PCDHGB1: variants seen among roughly 807,000 people sequenced by gnomAD.
PCDHGB1 encodes protocadherin gamma subfamily B, 1, also known as protocadherin gamma-B1.
Under a neutral mutation model 56.6 loss-of-function variants are expected in PCDHGB1, and 34 were observed. The ratio of observed to expected loss-of-function variants is 0.60; its 90% confidence interval spans 0.46 to 0.80. PCDHGB1 has a LOEUF of 0.80. Ranked by LOEUF, PCDHGB1 falls within the 30% of genes least tolerant of loss-of-function variation. The pLI, the probability that PCDHGB1 is intolerant of heterozygous loss-of-function variation, is 0.00. For missense variants in PCDHGB1, 1,278 were observed against 1,204.6 expected, an observed-to-expected ratio of 1.06 and a Z score of -0.90; for synonymous variants, 561 against 505.9, an observed-to-expected ratio of 1.11 and a Z score of -1.46.
intron 1 of PCDHGB1, chr5:141,409,297 T>G (rs762820320): frequency 1.9e-6 from 3 of 1,614,006 alleles, no homozygotes; most frequent in South Asian, 2.2e-5. Context: ...CAGGAATGGT[T>G]GTTGCCCTCT....
intron 1 of PCDHGB1, chr5:141,413,740 C>T (rs1274240064): frequency 5.6e-6 from 9 of 1,613,284 alleles, no homozygotes; most frequent in African/African-American, 1.3e-5. Flanking sequence ...AGTTCAGAGC[C>T]GTGCCAATGG....
rs375665864 is a variant in PCDHGB1, at chr5:141,469,524, A to G, written c.2410-25283A>G. Among the ~76,000 whole-genome samples the G allele has an allele frequency of 2.4e-4, 36 of 152,260 alleles. No homozygotes were observed. The East Asian group carries it at 3.1e-3, about 13-fold the overall frequency. On this transcript the variant is annotated intron_variant, in intron 1 of 3. Coordinates refer to ENST00000523390, the MANE Select transcript of PCDHGB1 (RefSeq NM_018922.3). ...CGGGAGGTGGAGGTTGCAGTGAGCCAAGATTGTGCCACTGCACTCCAGCCT... is the reference window on the plus strand; with the variant it reads ...CGGGAGGTGGAGGTTGCAGTGAGCCGAGATTGTGCCACTGCACTCCAGCCT...
chr5:141,455,795 C>T (rs1251703490), intron 1 of PCDHGB1, among the ~76,000 whole-genome samples: 1 of 151,960 alleles, frequency 6.6e-6, no homozygotes, highest in African/African-American at 2.4e-5. Flanking sequence ...TCCGGAGATG[C>T]TTTAAAAAAT....
intron 1 of PCDHGB1, chr5:141,389,725 TC>T (rs756659208): frequency 1.2e-6 from 2 of 1,612,726 alleles, no homozygotes; most frequent in East Asian, 4.5e-5. Flanking sequence ...GAGCCCGGGC[TC>T]TTCAGCCTGG....
At chr5:141,466,827 T>C (rs1414741980) in intron 1 of PCDHGB1, among the ~76,000 whole-genome samples, 1 of 152,194 alleles carries the variant, frequency 6.6e-6, no homozygotes, top group Admixed American at 6.5e-5. Context: ...AACAAGTTAG[T>C]ATGGGTTTAT....
chr5:141,387,177 T>C (rs989484840), intron 1 of PCDHGB1, among the ~76,000 whole-genome samples: 2 of 152,184 alleles, frequency 1.3e-5, no homozygotes, highest in Non-Finnish European at 2.9e-5. Context: ...AATTGCACCT[T>C]CTAAAAGGCA....
At chr5:141,460,924 A>ATATG (rs1561985817) in intron 1 of PCDHGB1, among the ~76,000 whole-genome samples, 10 of 150,588 alleles carry the variant, frequency 6.6e-5, no homozygotes, top group East Asian at 3.9e-4. Flanking sequence ...ATATATATAT[A>ATATG]TGTGTGTGTG....
chr5:141,419,258 C>G lies in PCDHGB1; in HGVS notation c.2409+66589C>G, dbSNP rs761740232. The G allele has an allele frequency of 2.5e-6, 4 of 1,614,028 alleles. No individual in the cohort carries two copies. The Admixed American group carries it at 6.7e-5, about 27-fold the overall frequency. ...GGTCCACGTGCCAGAAAACAACCAG[C>G]CGGGTGCCTCCATAGCGCAAGTCAG... On this transcript the variant is annotated intron_variant, in intron 1 of 3. Transcript: ENST00000523390.
At chr5:141,408,590 G>A (rs776799830) in intron 1 of PCDHGB1, 4 of 1,613,956 alleles carry the variant, frequency 2.5e-6, no homozygotes, top group East Asian at 2.2e-5. Context: ...TAATGACCAC[G>A]CCCCTCAATT....
chr5:141,375,903 G>A lies in PCDHGB1; in HGVS notation c.2409+23234G>A, dbSNP rs535123838. ...GGCCAGAACGCCTGGCTGTCCTACC[G>A]CCTGCTCAAGGCCAGCGAGCCAGGA... On this transcript the variant is annotated intron_variant, in intron 1 of 3. Transcript: ENST00000523390. 54 of 1,613,696 alleles carry A rather than the reference G, an allele frequency of 3.3e-5. No individual in the cohort carries two copies. In the South Asian group the frequency reaches 5.6e-4, roughly 17 times the overall value.
At chr5:141,459,263 C>T (rs2098964603) in intron 1 of PCDHGB1, among the ~76,000 whole-genome samples, 1 of 152,176 alleles carries the variant, frequency 6.6e-6, no homozygotes, top group South Asian at 2.1e-4. Flanking sequence ...ATTAGTGTTG[C>T]CTCTTTCAGA....
intron 1 of PCDHGB1, chr5:141,383,378 C>A (rs753458256): frequency 8.1e-6 from 13 of 1,613,884 alleles, no homozygotes; most frequent in Non-Finnish European, 1.1e-5. Flanking sequence ...GCTGGGGATC[C>A]AGATGTGGGC....
intron 1 of PCDHGB1, chr5:141,423,623 C>T (rs1391650851): frequency 6.2e-7 from 1 of 1,607,330 alleles, no homozygotes; most frequent in South Asian, 1.1e-5. Context: ...GAAGACTCAG[C>T]TATCATTTTA....
intron 1 of PCDHGB1, chr5:141,410,849 CTTTTTTTTTTTTTT>C (rs759346998): frequency 7.7e-6 from 1 of 129,786 alleles, no homozygotes; most frequent in African/African-American, 6.0e-5. Context: ...TTGTCTTTGT[CTTTTTTTTTTTTTT>C]TTTTTTTTGA....
chr5:141,389,818 G>T, intron 1 of PCDHGB1: 2 of 1,613,888 alleles, frequency 1.2e-6, no homozygotes, highest in Non-Finnish European at 1.7e-6. Flanking sequence ...GTCGCCGTGC[G>T]TGACGGTGGA....
chr5:141,410,849 C>CTTTTTTTTTTTT lies in PCDHGB1; in HGVS notation c.2409+58191_2409+58202dup. The CTTTTTTTTTTTT allele has an allele frequency of 2.7e-3, 375 of 138,154 alleles. 24 individuals are homozygous for CTTTTTTTTTTTT. The highest frequency in any genetic ancestry group is 6.9e-3 in the African/African-American group (114 of 16,622). 8.6% of individuals were successfully genotyped at this position (138,154 alleles called of 1,614,324 possible). ...CAGACTGAAGATATTTTGTCTTTGTCTTTTTTTTTTTTTTTTTTTTTTGAG... is the reference window on the plus strand; with the variant it reads ...CAGACTGAAGATATTTTGTCTTTGTCTTTTTTTTTTTTTTTTTTTTTTTTTTTTTTTTTTGAG... On this transcript the variant is annotated intron_variant, in intron 1 of 3. Coordinates refer to ENST00000523390, the MANE Select transcript of PCDHGB1 (RefSeq NM_018922.3).
rs1193497090 is a variant in PCDHGB1 at position 141,485,890 on chromosome 5, C to T, written c.2410-8917C>T. On this transcript the variant is annotated intron_variant, in intron 1 of 3. Coordinates refer to ENST00000523390, the MANE Select transcript of PCDHGB1 (RefSeq NM_018922.3). This position sits in a 1 kb window ranked among gnomAD's most constrained non-coding sequence, Gnocchi z 5.7. ...CCGTGCTGGACGTAAACGACAACGC[C>T]CCAGCCTTCCAGCAATCCAGCTACA... The T allele has an allele frequency of 6.2e-6, 10 of 1,614,156 alleles. No homozygotes were observed. Among genetic ancestry groups the T allele is most frequent in the Non-Finnish European group, 6.8e-6 (8 of 1,180,022 alleles).
At chr5:141,465,889 G>A (rs956310325) in intron 1 of PCDHGB1, among the ~76,000 whole-genome samples, 4 of 152,056 alleles carry the variant, frequency 2.6e-5, no homozygotes, top group Admixed American at 6.5e-5. Context: ...TTGGGAGGCC[G>A]AGGCGGGCAA....
intron 1 of PCDHGB1, chr5:141,422,866 G>C: frequency 1.2e-6 from 2 of 1,614,216 alleles, no homozygotes; most frequent in Non-Finnish European, 8.5e-7. Context: ...CAGCAGCAAC[G>C]TGTCGCTGAG....
Sources: gnomAD v4.1 joint callset for allele counts (sites outside exome capture counted in the v4.1 genomes callset) on GRCh38, gnomAD v4.1.1 for gene constraint, Gnocchi (gnomAD v3.1) non-coding constraint, MANE v1.5 for transcripts, NCBI Gene and HGNC (gene_info 2026-07-23, HGNC 2026-07-21) for gene names.